OR4F3: variants seen among roughly 807,000 people sequenced by gnomAD.
OR4F3 encodes the protein olfactory receptor 4F3/4F16/4F29.
the OR4F3 span, among the ~76,000 whole-genome samples, chr5:181,358,258 G>A: frequency 7.7e-6 from 1 of 130,086 alleles, no homozygotes; most frequent in Non-Finnish European, 1.6e-5. Context: ...TTTTATAAAG[G>A]TCATCATGTT....
Sources: allele counts gnomAD v4.1 joint callset (sites outside exome capture counted in the v4.1 genomes callset), GRCh38; gene constraint gnomAD v4.1.1; transcripts MANE v1.5; gene names NCBI Gene and HGNC (gene_info 2026-07-23, HGNC 2026-07-21).